CNTN3: variants seen among roughly 807,000 people sequenced by gnomAD.
CNTN3 encodes the protein contactin-3.
Under a neutral mutation model 119.1 loss-of-function variants are expected in CNTN3, and 60 were observed. The observed-to-expected ratio is 0.50, with a 90% CI of 0.41 to 0.62. CNTN3 has a LOEUF of 0.62. CNTN3 is among the 20% of genes least tolerant of loss of function. The pLI is 0.00. For synonymous variants in CNTN3, 450 were observed against 438.7 expected (o/e 1.03, Z -0.32); for missense variants, 1,101 against 1,242.4 (o/e 0.89, Z 1.71).
intron 1 of CNTN3, among the ~76,000 whole-genome samples, chr3:74,568,810 G>T (rs1704265479): frequency 6.6e-6 from 1 of 152,148 alleles, no homozygotes; most frequent in South Asian, 2.1e-4. Context: ...GCGGGCAAAG[G>T]GCTTCTGTTT....
chr3:74,580,778 A>G (rs115317635), intron 1 of CNTN3, among the ~76,000 whole-genome samples: 2,805 of 152,306 alleles, frequency 0.018, 82 homozygotes, highest in African/African-American at 0.065. Flanking sequence ...AGTGGTGCCA[A>G]CATGGCTTAC....
chr3:74,462,651 T>C (rs749081004), intron 4 of CNTN3, among the ~76,000 whole-genome samples: 6 of 152,112 alleles, frequency 3.9e-5, no homozygotes, highest in Non-Finnish European at 5.9e-5. Context: ...CTCCATAATA[T>C]ATTGATTGAC....
chr3:74,282,757 ATTAT>A (rs1702038636), intron 20 of CNTN3, among the ~76,000 whole-genome samples: 1 of 152,194 alleles, frequency 6.6e-6, no homozygotes, highest in African/African-American at 2.4e-5. Flanking sequence ...CAGTAACAAT[ATTAT>A]TAATGGCTCT....
Position 74,444,907 on chromosome 3 carries a change from T to TAGGAAATATAAATATAAATAAAAA in CNTN3, c.359-19968_359-19967insTTTTTATTTATATTTATATTTCCT, listed in dbSNP as rs1702024302. On this transcript the variant is annotated intron_variant, in intron 4 of 22. Coordinates refer to ENST00000263665, the MANE Select transcript of CNTN3 (RefSeq NM_020872.3). ...AATAGGAAATATAAATAATTATGAA[T>TAGGAAATATAAATATAAATAAAAA]ATTTTTATGTAGCACCAAAATCTCT... Among the ~76,000 whole-genome samples the TAGGAAATATAAATATAAATAAAAA allele has an allele frequency of 2.0e-5, 3 of 152,178 alleles. No individual in the cohort carries two copies. In the South Asian group the frequency reaches 6.2e-4, roughly 32 times the overall value.
intron 3 of CNTN3, among the ~76,000 whole-genome samples, chr3:74,496,343 C>T (rs768950559): frequency 1.1e-4 from 17 of 151,988 alleles, no homozygotes; most frequent in African/African-American, 2.9e-4. Context: ...TTGGTAATAC[C>T]GGACCAGGAT....
intron 19 of CNTN3, among the ~76,000 whole-genome samples, chr3:74,290,172 G>A (rs1702195837): frequency 1.3e-5 from 2 of 152,242 alleles, no homozygotes; most frequent in Admixed American, 6.5e-5. Context: ...TGTGAACATC[G>A]TAGAGTGCAA....
At chr3:74,290,128 C>T (rs952209780) in intron 19 of CNTN3, among the ~76,000 whole-genome samples, 3 of 152,134 alleles carry the variant, frequency 2.0e-5, no homozygotes, top group Non-Finnish European at 2.9e-5. Flanking sequence ...GGGATACATT[C>T]TGAGAAATGT....
chr3:74,319,199 C>T (rs1041771311), intron 13 of CNTN3, among the ~76,000 whole-genome samples: 4 of 152,068 alleles, frequency 2.6e-5, no homozygotes, highest in Non-Finnish European at 4.4e-5. Context: ...AAAGAGCCGG[C>T]GTCGCCAAGT....
At chr3:74,506,736 T>C (rs9813498) in intron 2 of CNTN3, among the ~76,000 whole-genome samples, 14,355 of 40,394 alleles carry the variant, frequency 0.36, 982 homozygotes, top group East Asian at 0.51. Context: ...TCCATTTATC[T>C]GAAAAAAAAA....
intron 4 of CNTN3, among the ~76,000 whole-genome samples, chr3:74,480,446 G>A (rs1702742921): frequency 6.6e-6 from 1 of 151,956 alleles, no homozygotes; most frequent in South Asian, 2.1e-4. Context: ...TGGTAGGAGA[G>A]TGTTGTAGCA....
At chr3:74,589,219 C>T (rs1264682725) in intron 1 of CNTN3, among the ~76,000 whole-genome samples, 2 of 151,868 alleles carry the variant, frequency 1.3e-5, no homozygotes, top group Admixed American at 6.6e-5. Flanking sequence ...TGACAAAGGG[C>T]TAATATCCAG....
chr3:74,293,100 G>A (rs1398022346), intron 19 of CNTN3, among the ~76,000 whole-genome samples: 1 of 152,180 alleles, frequency 6.6e-6, no homozygotes, highest in Non-Finnish European at 1.5e-5. Context: ...ATGTTTAACT[G>A]TGCAGGAAGA....
intron 2 of CNTN3, among the ~76,000 whole-genome samples, chr3:74,500,829 T>C (rs1331941794): frequency 2.6e-5 from 4 of 152,050 alleles, no homozygotes; most frequent in African/African-American, 9.7e-5. Flanking sequence ...CTAAAGTAAA[T>C]TCTGCATGCC....
intron 5 of CNTN3, among the ~76,000 whole-genome samples, chr3:74,413,739 T>C (rs1174035238): frequency 2.0e-5 from 3 of 152,166 alleles, no homozygotes; most frequent in Non-Finnish European, 4.4e-5. Context: ...GAAAACTTCA[T>C]GCATGATTCA....
At chr3:74,424,092 G>A (rs141488236) in intron 5 of CNTN3, among the ~76,000 whole-genome samples, 62 of 152,114 alleles carry the variant, frequency 4.1e-4, no homozygotes, top group East Asian at 1.4e-3. Context: ...AACAAAATAC[G>A]TGTTTCTCTG....
intron 1 of CNTN3, among the ~76,000 whole-genome samples, chr3:74,575,488 G>C (rs1055655024): frequency 6.6e-6 from 1 of 151,830 alleles, no homozygotes; most frequent in African/African-American, 2.4e-5. Context: ...CTAATTTCGT[G>C]ATCTGCCCAC....
At position 74,308,839 on chromosome 3, in the gene CNTN3, G is replaced by C. The variant is rs116591895; in HGVS notation, c.1669-6032C>G. Among the ~76,000 whole-genome samples the C allele has an allele frequency of 6.2e-3, 944 of 151,812 alleles. 4 individuals carry two copies. The highest frequency in any genetic ancestry group is 0.022 in the African/African-American group (909 of 41,408). On this transcript the variant is annotated intron_variant, in intron 13 of 22. Transcript: ENST00000263665. ...GATTAACTTTCTTCAACTTAATGTGGGAATTGACATATAAAATGTATATTT... is the reference window on the plus strand; with the variant it reads ...GATTAACTTTCTTCAACTTAATGTGCGAATTGACATATAAAATGTATATTT...
intron 4 of CNTN3, among the ~76,000 whole-genome samples, chr3:74,486,172 C>G (rs781079049): frequency 6.6e-6 from 1 of 151,586 alleles, no homozygotes; most frequent in Non-Finnish European, 1.5e-5. Context: ...GTTCCCTAAA[C>G]AGAATCCTTG....
chr3:74,505,037 T>A (rs966761805), intron 2 of CNTN3, among the ~76,000 whole-genome samples: 1 of 152,064 alleles, frequency 6.6e-6, no homozygotes, highest in African/African-American at 2.4e-5. Flanking sequence ...TAGATGGCTA[T>A]CTTCTCCCTG....
Sources: gnomAD v4.1 joint callset for allele counts (sites outside exome capture counted in the v4.1 genomes callset) on GRCh38, gnomAD v4.1.1 for gene constraint, MANE v1.5 for transcripts, NCBI Gene and HGNC (gene_info 2026-07-23, HGNC 2026-07-21) for gene names.